Variants in FLT3 observed in about 807,000 individuals in gnomAD.
FLT3 encodes the protein receptor-type tyrosine-protein kinase FLT3.
In FLT3, 46 loss-of-function variants were observed where a neutral mutation model predicts 126.6. The ratio of observed to expected loss-of-function variants is 0.36; its 90% CI spans 0.29 to 0.46. The LOEUF is 0.46. FLT3 is among the 20% of genes least tolerant of loss of function. The pLI is 1.00. For synonymous variants in FLT3, 404 were observed against 434.4 expected (o/e 0.93, Z 0.87); for missense variants, 1,069 against 1,190.3 (o/e 0.90, Z 1.50).
At chr13:28,041,587 T>A (rs1874383164) in intron 9 of FLT3, among the ~76,000 whole-genome samples, 2 of 152,164 alleles carry the variant, frequency 1.3e-5, no homozygotes, top group South Asian at 4.1e-4. Context: ...AACACAAAAC[T>A]GAATATCCAA....
At chr13:28,084,020 C>CT (rs1566104545) in intron 1 of FLT3, among the ~76,000 whole-genome samples, 1 of 151,572 alleles carries the variant, frequency 6.6e-6, no homozygotes, top group Non-Finnish European at 1.5e-5. Context: ...CTTTTGCTTA[C>CT]TTTTTTTCTT....
intron 1 of FLT3, among the ~76,000 whole-genome samples, chr13:28,094,982 G>A (rs1465506964): frequency 2.0e-5 from 3 of 152,074 alleles, no homozygotes; most frequent in African/African-American, 4.8e-5. Context: ...TATAAAACTC[G>A]CAGATTCCCC....
intron 11 of FLT3, 109 bp from the exon 12 acceptor site, chr13:28,035,782 A>G: frequency 7.8e-7 from 1 of 1,282,912 alleles, no homozygotes; most frequent in Non-Finnish European, 1.1e-6. Flanking sequence ...AAGTTATCAG[A>G]AACAGTCTAT....
intron 17 of FLT3, chr13:28,025,435 C>T: frequency 6.7e-6 from 3 of 450,442 alleles, no homozygotes; most frequent in South Asian, 4.8e-5. Flanking sequence ...TAATAAATAG[C>T]AATAATACAA....
At chr13:28,096,532 G>A (rs1879461800) in intron 1 of FLT3, among the ~76,000 whole-genome samples, 1 of 151,886 alleles carries the variant, frequency 6.6e-6, no homozygotes, top group Non-Finnish European at 1.5e-5. Flanking sequence ...TGCCTCCCAG[G>A]CTCAAGTGAT....
At chr13:28,031,819 C>T (rs919980285) in intron 15 of FLT3, among the ~76,000 whole-genome samples, 4 of 152,158 alleles carry the variant, frequency 2.6e-5, no homozygotes, top group African/African-American at 7.2e-5. Context: ...GTGGCCCAGC[C>T]ATGCGGGTGG....
chr13:28,070,677 A>G, intron 1 of FLT3, 65 bp from the exon 2 acceptor site: 1 of 1,281,022 alleles, frequency 7.8e-7, no homozygotes, highest in Non-Finnish European at 1.1e-6. Flanking sequence ...ACATGCATTT[A>G]TCTTGCAACC....
In FLT3 at chr13:28,034,332, A is replaced by G. The variant is rs1170049155; in HGVS notation, c.1673T>C (p.Leu558Ser). 1 of 1,613,952 alleles carries G rather than the reference A, an allele frequency of 6.2e-7. No homozygotes were observed. Among genetic ancestry groups the G allele is most frequent in the Non-Finnish European group, 8.5e-7 (1 of 1,179,928 alleles). ...IGVCLLFIVV[L>S]TLLICHKYKK... ...GTACTTGTGACAAATTAGCAGGGTT[A>G]AAACGACAATGAAGAGGAGACAAAC... is the stretch of plus-strand genomic sequence containing the variant. Residue 558 changes from leucine to serine, a missense_variant, in exon 13 of 24, where the codon TTA becomes TCA. Transcript: ENST00000241453.
intron 1 of FLT3, among the ~76,000 whole-genome samples, chr13:28,076,127 T>C (rs1289241765): frequency 1.3e-5 from 2 of 152,160 alleles, no homozygotes; most frequent in Non-Finnish European, 2.9e-5. Context: ...ATACAATGCA[T>C]TTTTAAAATA....
chr13:28,061,352 C>T lies in FLT3; in HGVS notation c.368+515G>A, dbSNP rs541179438. 2.1e-3 allele frequency among the ~76,000 whole-genome samples: 47 copies of T among 22,832 alleles called. No individual in the cohort carries two copies. The South Asian group carries it at 0.026, about 13-fold the overall frequency. The allele number at this position is 22,832 out of a possible 152,430, so 15.0% of individuals were successfully genotyped here. On this transcript the variant is annotated intron_variant, in intron 3 of 23. Transcript: ENST00000241453. ...GCCTGGATGACAGAGCGAGATAGTT[C>T]GCATTAGGGTTCATTTTTTGTGTTA...
At chr13:28,073,429 C>A in intron 1 of FLT3, 1 of 436,670 alleles carries the variant, frequency 2.3e-6, no homozygotes, top group Non-Finnish European at 4.5e-6. Context: ...TATATGTGTC[C>A]AGCCATCTTT....
intron 23 of FLT3, 79 bp from the exon 24 acceptor site, chr13:28,004,253 T>C: frequency 7.0e-7 from 1 of 1,432,056 alleles, no homozygotes; most frequent in Non-Finnish European, 9.6e-7. Flanking sequence ...TACAAATTAT[T>C]TAAATAAAAA....
intron 19 of FLT3, among the ~76,000 whole-genome samples, chr13:28,020,998 G>A (rs1204050918): frequency 6.6e-6 from 1 of 152,154 alleles, no homozygotes; most frequent in African/African-American, 2.4e-5. Context: ...GGGAAGCAGT[G>A]CCCCTTGACT....
chr13:28,032,302 A>G (rs553041679), intron 15 of FLT3, among the ~76,000 whole-genome samples: 1 of 152,322 alleles, frequency 6.6e-6, no homozygotes, highest in East Asian at 1.9e-4. Flanking sequence ...CCCTTGGTGT[A>G]TGGGAGGACA....
At chr13:28,063,532 A>G (rs1044028588) in intron 2 of FLT3, among the ~76,000 whole-genome samples, 13 of 152,214 alleles carry the variant, frequency 8.5e-5, no homozygotes, top group African/African-American at 2.7e-4. Context: ...GGGTTGGAGC[A>G]GCTTCTGCTG....
chr13:28,073,397 T>G (rs8000938), intron 1 of FLT3: 5,590 of 443,546 alleles, frequency 0.013, 285 homozygotes, highest in African/African-American at 0.1. Flanking sequence ...TTGAGTGGTC[T>G]GTAGATAGCG....
At chr13:28,091,425 G>A (rs1326704179) in intron 1 of FLT3, among the ~76,000 whole-genome samples, 1 of 149,894 alleles carries the variant, frequency 6.7e-6, no homozygotes, top group African/African-American at 2.5e-5. Flanking sequence ...GTTTCACCGT[G>A]TTAGCCAGGA....
rs147453280 is a variant in FLT3, at chr13:28,062,049, G to T, written c.186C>A (p.Asp62Glu). ...SYPMVSESPE[D>E]LGCALRPQSS... is the part of the protein sequence containing the mutation. ...TCTGGGGTCTCAACGCACACCCGAG[G>T]TCTTCCGGGGATTCTGATACCTACG... The change falls in exon 3 of 24, where the codon GAC becomes GAA. Residue 62 changes from aspartate to glutamate, a missense_variant. Transcript: ENST00000241453. The T allele has an allele frequency of 6.2e-7, 1 of 1,612,188 alleles. No homozygotes were observed. The highest frequency in any genetic ancestry group is 8.5e-7 in the Non-Finnish European group (1 of 1,179,884).
chr13:28,014,054 T>C (rs1871616779), intron 23 of FLT3, among the ~76,000 whole-genome samples: 1 of 152,054 alleles, frequency 6.6e-6, no homozygotes, highest in African/African-American at 2.4e-5. Context: ...GGGGAATCGC[T>C]TGAGCCCAGG....
Sources: allele counts gnomAD v4.1 joint callset (sites outside exome capture counted in the v4.1 genomes callset), GRCh38; gene constraint gnomAD v4.1.1; transcripts MANE v1.5; gene names NCBI Gene and HGNC (gene_info 2026-07-23, HGNC 2026-07-21).